Variants in CNTNAP2 observed in about 807,000 individuals in gnomAD.
CNTNAP2 encodes the protein contactin associated protein 2.
A neutral mutation model predicts 155.2 loss-of-function variants in CNTNAP2; 98 were observed. The observed-to-expected ratio is 0.63, with a 90% CI of 0.54 to 0.75. The LOEUF (loss-of-function observed/expected upper bound fraction) is 0.75, where lower values mean the gene tolerates loss of function less well. Ranked by LOEUF, CNTNAP2 falls within the 30% of genes least tolerant of loss-of-function variation. CNTNAP2 has a pLI of 0.00. For synonymous variants in CNTNAP2, 651 were observed against 631.2 expected (o/e 1.03, Z -0.47); for missense variants, 1,727 against 1,688.1 (o/e 1.02, Z -0.40).
intron 13 of CNTNAP2, among the ~76,000 whole-genome samples, chr7:147,827,393 A>C (rs559275424): frequency 6.6e-6 from 1 of 152,288 alleles, no homozygotes; most frequent in South Asian, 2.1e-4. Flanking sequence ...AGTTGTACAT[A>C]ATAAATGTAA....
rs556490578 is a variant in CNTNAP2 at position 147,140,209 on chromosome 7, A to G, written c.1348+7700A>G. ...ACCTGCCTAGATGTCTGTTCTCTCT[A>G]CAATCACTTCTAGTCTTTCTTCTAG... On this transcript the variant is annotated intron_variant, in intron 8 of 23. Transcript: ENST00000361727. Among the ~76,000 whole-genome samples, 6 of 152,094 alleles carry G rather than the reference A, an allele frequency of 3.9e-5. No individual in the cohort carries two copies. In the South Asian group the frequency reaches 1.2e-3, roughly 32 times the overall value.
intron 6 of CNTNAP2, among the ~76,000 whole-genome samples, chr7:147,126,091 C>G (rs1245760905): frequency 6.6e-6 from 1 of 152,164 alleles, no homozygotes; most frequent in Admixed American, 6.5e-5. Flanking sequence ...GCATACAGCC[C>G]TTCCACTTAA....
At chr7:146,942,736 A>T (rs548146937) in intron 3 of CNTNAP2, among the ~76,000 whole-genome samples, 2 of 152,268 alleles carry the variant, frequency 1.3e-5, no homozygotes, top group South Asian at 4.1e-4. Flanking sequence ...CTGAGAATCA[A>T]ATTTATGTAT....
chr7:146,225,841 G>T (rs1799284403), intron 1 of CNTNAP2, among the ~76,000 whole-genome samples: 1 of 152,098 alleles, frequency 6.6e-6, no homozygotes, highest in South Asian at 2.1e-4. Context: ...CATATAATTA[G>T]TCTCTTTCTG....
intron 1 of CNTNAP2, among the ~76,000 whole-genome samples, chr7:146,534,927 C>G (rs558608195): frequency 2.0e-5 from 3 of 147,436 alleles, no homozygotes; most frequent in South Asian, 4.3e-4. Context: ...CATAAAATTG[C>G]TGAGATGTAA....
intron 14 of CNTNAP2, among the ~76,000 whole-genome samples, chr7:147,956,255 G>C (rs1383954942): frequency 6.6e-6 from 1 of 150,610 alleles, no homozygotes; most frequent in Non-Finnish European, 1.5e-5. Context: ...TTTTCCAAAT[G>C]ACCTTTGGAG....
chr7:146,894,085 G>A (rs1234223964), intron 3 of CNTNAP2, among the ~76,000 whole-genome samples: 10 of 152,160 alleles, frequency 6.6e-5, no homozygotes, highest in Non-Finnish European at 2.9e-5. Context: ...GCCACCTGTT[G>A]TCCTTCACTT....
At chr7:146,869,359 C>T (rs1001496837) in intron 3 of CNTNAP2, among the ~76,000 whole-genome samples, 5 of 152,048 alleles carry the variant, frequency 3.3e-5, no homozygotes, top group Non-Finnish European at 7.4e-5. Flanking sequence ...CCTTGCATCC[C>T]GGGCATGAAA....
rs541215545 is a variant in CNTNAP2, at chr7:148,409,578, TATTC to T, written c.3796+111_3796+114del. On this transcript the variant is annotated intron_variant, in intron 23 of 23. Coordinates refer to ENST00000361727, the MANE Select transcript of CNTNAP2 (RefSeq NM_014141.6). The stretch of plus-strand genomic sequence containing the variant: ...AAAAAAGTTTTCTAGGTTTTTACAT[TATTC>T]ATTTTGCTGTTTAAAGATTATGACA... 7,092 of 912,770 alleles carry T rather than the reference TATTC, an allele frequency of 7.8e-3. 87 individuals are homozygous for T. Among genetic ancestry groups the T allele is most frequent in the South Asian group, 0.022 (1,631 of 73,018 alleles). The allele number at this position is 912,770 out of a possible 1,614,324, so 56.5% of individuals were successfully genotyped here.
chr7:147,267,474 C>T (rs758850492), intron 8 of CNTNAP2, among the ~76,000 whole-genome samples: 11 of 152,034 alleles, frequency 7.2e-5, no homozygotes, highest in Non-Finnish European at 1.0e-4. Flanking sequence ...GTTTTTGGTA[C>T]GCATCCTTCC....
At chr7:148,101,884 T>G (rs1804109547) in intron 15 of CNTNAP2, among the ~76,000 whole-genome samples, 1 of 152,184 alleles carries the variant, frequency 6.6e-6, no homozygotes, top group Non-Finnish European at 1.5e-5. Context: ...TTAAAAATAT[T>G]AAGATTCTCA....
At chr7:147,340,349 T>C (rs1795740206) in intron 9 of CNTNAP2, among the ~76,000 whole-genome samples, 1 of 152,186 alleles carries the variant, frequency 6.6e-6, no homozygotes. Context: ...GTCACACTTT[T>C]AAATCACAAA....
At chr7:147,298,281 A>G (rs942419449) in intron 8 of CNTNAP2, among the ~76,000 whole-genome samples, 3 of 151,974 alleles carry the variant, frequency 2.0e-5, no homozygotes, top group South Asian at 4.1e-4. Context: ...AAAATTAGCC[A>G]GCTGTGGTGA....
chr7:147,324,854 A>G (rs528633850), intron 9 of CNTNAP2, among the ~76,000 whole-genome samples: 1 of 152,294 alleles, frequency 6.6e-6, no homozygotes, highest in South Asian at 2.1e-4. Context: ...CTAAACAAAG[A>G]TACACCTCAG....
intron 9 of CNTNAP2, among the ~76,000 whole-genome samples, chr7:147,326,076 C>T (rs185306647): frequency 7.2e-5 from 11 of 152,260 alleles, no homozygotes; most frequent in Admixed American, 2.6e-4. Context: ...GCGCACGCCA[C>T]CACACCCGGC....
In CNTNAP2 at chr7:147,240,970, G is replaced by A. The variant is rs148745023; in HGVS notation, c.1349-59171G>A. 1.2e-3 allele frequency among the ~76,000 whole-genome samples: 188 copies of A among 152,198 alleles called. 2 individuals are homozygous for A. Among genetic ancestry groups the A allele is most frequent in the African/African-American group, 4.3e-3 (179 of 41,522 alleles). On this transcript the variant is annotated intron_variant, in intron 8 of 23. Transcript: ENST00000361727. Reference sequence around the variant, plus strand: ...TTATTTCAGTGTCATCTGTTTTCTCGATTTTGTAAAACTAAATGGTTCCAT... The same window carrying A: ...TTATTTCAGTGTCATCTGTTTTCTCAATTTTGTAAAACTAAATGGTTCCAT...
At chr7:147,415,150 G>C (rs2116496441) in intron 10 of CNTNAP2, among the ~76,000 whole-genome samples, 1 of 152,010 alleles carries the variant, frequency 6.6e-6, no homozygotes, top group East Asian at 1.9e-4. Flanking sequence ...TGTGGTTTCA[G>C]GTGGGAGCAT....
chr7:147,276,499 C>T (rs553989308), intron 8 of CNTNAP2, among the ~76,000 whole-genome samples: 30 of 152,042 alleles, frequency 2.0e-4, no homozygotes, highest in Non-Finnish European at 4.0e-4. Context: ...TTGAAGTAAC[C>T]ATTGTCTCAG....
At chr7:148,034,088 G>A (rs1032869039) in intron 15 of CNTNAP2, among the ~76,000 whole-genome samples, 9 of 152,118 alleles carry the variant, frequency 5.9e-5, no homozygotes, top group African/African-American at 1.4e-4. Flanking sequence ...GCCTGCTCCT[G>A]GTACCATTAT....
Sources: gnomAD v4.1 joint callset for allele counts (sites outside exome capture counted in the v4.1 genomes callset) on GRCh38, gnomAD v4.1.1 for gene constraint, MANE v1.5 for transcripts, NCBI Gene and HGNC (gene_info 2026-07-23, HGNC 2026-07-21) for gene names.